The following DENND1B variants were observed in gnomAD, a reference collection of about 807,000 sequenced individuals.
DENND1B encodes the protein DENN domain containing 1B.
Under a neutral mutation model 90.1 loss-of-function variants are expected in DENND1B, and 59 were observed. That is an observed-to-expected ratio of 0.65 (90% CI 0.53 to 0.81). The LOEUF is 0.81. DENND1B is among the 40% of genes least tolerant of loss of function. The probability of loss-of-function intolerance (pLI) is 0.00; values close to 1 mark genes in which losing one functional copy is unlikely to be tolerated. For missense variants in DENND1B, 862 were observed against 912.6 expected (o/e 0.94, Z 0.71); for synonymous variants, 337 against 324.6 (o/e 1.04, Z -0.41).
Position 197,583,252 on chromosome 1 carries a change from C to T in DENND1B, c.1049G>A (p.Gly350Asp), listed in dbSNP as rs1279975389. The T allele has an allele frequency of 1.2e-6, 2 of 1,613,434 alleles. No homozygotes were observed. The highest frequency in any genetic ancestry group is 3.3e-5 in the Admixed American group (2 of 59,952). ...SYRDALRYKP[G>D]EPITFCEESF... ...CTCCTCACAGAAAGTGATGGGCTCA[C>T]CCTAGATAGAAATAAAGATTTTAAG... The change falls in exon 15 of 23, where the codon GGT (glycine) becomes GAT (aspartate). Residue 350 changes from glycine (G) to aspartate (D), a missense_variant and splice_region_variant. Coordinates refer to ENST00000620048, the MANE Select transcript of DENND1B (RefSeq NM_001195215.2).
intron 2 of DENND1B, among the ~76,000 whole-genome samples, chr1:197,756,482 G>C (rs949833292): frequency 2.8e-5 from 4 of 141,438 alleles, no homozygotes; most frequent in African/African-American, 8.1e-5. Context: ...GGCTGAGGCA[G>C]AAGAATCTTT....
At chr1:197,580,087 C>CTTTTTTTTTTTTTTTTTT (rs139056668) in intron 15 of DENND1B, among the ~76,000 whole-genome samples, 124 of 76,762 alleles carry the variant, frequency 1.6e-3, no homozygotes, top group East Asian at 2.6e-3. Context: ...TTCTTTCTTT[C>CTTTTTTTTTTTTTTTTTT]TTTTTTTTTT....
At chr1:197,768,862 CA>C (rs761475933) in intron 2 of DENND1B, among the ~76,000 whole-genome samples, 1,742 of 134,948 alleles carry the variant, frequency 0.013, 13 homozygotes, top group Non-Finnish European at 0.019. Flanking sequence ...GTGTTGTTCT[CA>C]AAAAAAAAAA....
At position 197,772,218 on chromosome 1, in the gene DENND1B, C is replaced by CCAAA. The variant is rs543372332; in HGVS notation, c.82+646_82+649dup. Among the ~76,000 whole-genome samples, 369 of 152,242 alleles carry CCAAA rather than the reference C, an allele frequency of 2.4e-3. 6 individuals carry two copies. Among genetic ancestry groups the CCAAA allele is most frequent in the Non-Finnish European group, 5.7e-4 (39 of 68,014 alleles). On this transcript the variant is annotated intron_variant, in intron 2 of 22. Transcript: ENST00000620048. ...ATGTTTAAAAAAAGACACTAAATTT[C>CCAAA]CAAACATAAATGAAAGAAAATGAAA...
At chr1:197,708,210 C>A (rs1659817282) in intron 3 of DENND1B, among the ~76,000 whole-genome samples, 1 of 78,576 alleles carries the variant, frequency 1.3e-5, no homozygotes, top group African/African-American at 5.3e-5. Context: ...GAAGCTCGAA[C>A]TGGGTGGAGC....
chr1:197,559,885 G>T (rs906249011), intron 15 of DENND1B, among the ~76,000 whole-genome samples: 5 of 151,900 alleles, frequency 3.3e-5, no homozygotes, highest in Non-Finnish European at 5.9e-5. Flanking sequence ...AACACAAACT[G>T]CCTACAACAA....
chr1:197,686,008 C>T (rs1657197076), intron 3 of DENND1B, among the ~76,000 whole-genome samples: 2 of 152,010 alleles, frequency 1.3e-5, no homozygotes, highest in Admixed American at 1.3e-4. Flanking sequence ...AATATGAATA[C>T]CAGTTGTTTT....
At chr1:197,657,067 G>T (rs916546497) in intron 6 of DENND1B, among the ~76,000 whole-genome samples, 1 of 151,888 alleles carries the variant, frequency 6.6e-6, no homozygotes, top group African/African-American at 2.4e-5. Context: ...TAGATAAATT[G>T]GACTTCATTA....
intron 10 of DENND1B, among the ~76,000 whole-genome samples, chr1:197,618,557 A>G (rs1367941089): frequency 6.6e-6 from 1 of 151,172 alleles, no homozygotes; most frequent in Non-Finnish European, 1.5e-5. Context: ...TTAGTACTTA[A>G]CAAAAGGATA....
At chr1:197,635,375 G>T (rs1679691891) in intron 10 of DENND1B, among the ~76,000 whole-genome samples, 1 of 151,920 alleles carries the variant, frequency 6.6e-6, no homozygotes, top group Non-Finnish European at 1.5e-5. Flanking sequence ...GTCTCATTCT[G>T]TTGCCAGGCT....
intron 14 of DENND1B, among the ~76,000 whole-genome samples, chr1:197,587,614 T>C (rs1389156179): frequency 6.6e-6 from 1 of 152,154 alleles, no homozygotes; most frequent in African/African-American, 2.4e-5. Context: ...GGGACTAAAT[T>C]CTTGATCATC....
At chr1:197,606,821 T>A (rs1676724895) in intron 13 of DENND1B, 1 of 345,210 alleles carries the variant, frequency 2.9e-6, no homozygotes. Flanking sequence ...TTAAAGAAAC[T>A]CTGCCTAATG....
intron 2 of DENND1B, among the ~76,000 whole-genome samples, chr1:197,715,711 T>A (rs1298976033): frequency 6.6e-6 from 1 of 151,882 alleles, no homozygotes; most frequent in African/African-American, 2.4e-5. Flanking sequence ...GTAATTAATA[T>A]ATATAAATCA....
At chr1:197,611,856 C>T in intron 12 of DENND1B, 75 bp downstream of exon 12, 1 of 1,357,562 alleles carries the variant, frequency 7.4e-7, no homozygotes, top group Non-Finnish European at 1.0e-6. Flanking sequence ...ACTGATATTT[C>T]TTCAAAACAA....
At chr1:197,725,250 T>G (rs1457860650) in intron 2 of DENND1B, among the ~76,000 whole-genome samples, 1 of 152,122 alleles carries the variant, frequency 6.6e-6, no homozygotes, top group Non-Finnish European at 1.5e-5. Context: ...CTACATACAT[T>G]ATTACATCGA....
intron 2 of DENND1B, among the ~76,000 whole-genome samples, chr1:197,738,443 G>A (rs1392570574): frequency 6.6e-6 from 1 of 152,130 alleles, no homozygotes; most frequent in Non-Finnish European, 1.5e-5. Flanking sequence ...GTGACCTCAG[G>A]CCAGAGCTGA....
chr1:197,736,731 T>C (rs570576268), intron 2 of DENND1B, among the ~76,000 whole-genome samples: 6 of 152,234 alleles, frequency 3.9e-5, no homozygotes, highest in Admixed American at 1.3e-4. Flanking sequence ...TAACCTTTCC[T>C]TACAAATGCC....
chr1:197,601,249 T>TGAAC (rs397692765), intron 13 of DENND1B, among the ~76,000 whole-genome samples: 11 of 151,554 alleles, frequency 7.3e-5, no homozygotes, highest in African/African-American at 2.2e-4. Flanking sequence ...GTTGAATGAA[T>TGAAC]AAATGAACAA....
intron 10 of DENND1B, among the ~76,000 whole-genome samples, chr1:197,624,312 A>G (rs1438122687): frequency 1.3e-5 from 2 of 151,764 alleles, no homozygotes; most frequent in African/African-American, 4.8e-5. Flanking sequence ...AAGGCAATAC[A>G]ATGAATAAAA....
Sources: gnomAD v4.1 joint callset for allele counts (sites outside exome capture counted in the v4.1 genomes callset) on GRCh38, gnomAD v4.1.1 for gene constraint, MANE v1.5 for transcripts, NCBI Gene and HGNC (gene_info 2026-07-23, HGNC 2026-07-21) for gene names.